FCHSD2: variants seen among roughly 807,000 people sequenced by gnomAD.
FCHSD2 encodes the protein F-BAR and double SH3 domains protein 2.
Under a neutral mutation model 108.1 loss-of-function variants are expected in FCHSD2, and 38 were observed. That is an observed-to-expected ratio of 0.35 (90% CI 0.27 to 0.46). The LOEUF (loss-of-function observed/expected upper bound fraction) is 0.46, where lower values mean the gene tolerates loss of function less well. FCHSD2 is among the 20% of genes least tolerant of loss of function. The pLI is 1.00. For synonymous variants in FCHSD2, 279 were observed against 314.7 expected (o/e 0.89, Z 1.20); for missense variants, 751 against 897.8 (o/e 0.84, Z 2.09).
intron 12 of FCHSD2, among the ~76,000 whole-genome samples, chr11:72,878,922 C>G (rs549602631): frequency 1.5e-4 from 23 of 152,088 alleles, no homozygotes; most frequent in African/African-American, 5.3e-4. Flanking sequence ...GCCTGGCCAA[C>G]ATGGTGAAAC....
chr11:72,878,547 C>T (rs1021365008), intron 12 of FCHSD2, among the ~76,000 whole-genome samples: 1 of 152,136 alleles, frequency 6.6e-6, no homozygotes, highest in African/African-American at 2.4e-5. Context: ...ACTGTGATAG[C>T]TTGTTTTACT....
intron 12 of FCHSD2, among the ~76,000 whole-genome samples, chr11:72,885,582 T>G (rs78104946): frequency 2.6e-5 from 4 of 152,098 alleles, no homozygotes; most frequent in African/African-American, 9.7e-5. Flanking sequence ...TACCAGTCGG[T>G]GATACCATGC....
At chr11:73,104,840 G>A (rs1188837523) in intron 2 of FCHSD2, among the ~76,000 whole-genome samples, 2 of 152,182 alleles carry the variant, frequency 1.3e-5, no homozygotes, top group African/African-American at 2.4e-5. Flanking sequence ...TTACAGGCCT[G>A]AGTCACCGTG....
chr11:72,864,248 T>C (rs1591352847), intron 13 of FCHSD2, among the ~76,000 whole-genome samples: 1 of 152,134 alleles, frequency 6.6e-6, no homozygotes, highest in African/African-American at 2.4e-5. Context: ...TAGTGGCTCA[T>C]AAATAAAAGA....
chr11:73,099,930 T>A (rs781130690), intron 2 of FCHSD2, among the ~76,000 whole-genome samples: 2 of 152,228 alleles, frequency 1.3e-5, no homozygotes, highest in African/African-American at 2.4e-5. Flanking sequence ...CCCCCACTAA[T>A]GAGGCCTTTC....
At position 73,085,247 on chromosome 11, in the gene FCHSD2, A is replaced by T. The variant is rs1377575604; in HGVS notation, c.120-1507T>A. Among the ~76,000 whole-genome samples the T allele has an allele frequency of 2.0e-5, 3 of 152,200 alleles. No homozygotes were observed. In the East Asian group the frequency reaches 5.8e-4, roughly 29 times the overall value. ...TTTTTTTTTAAATGTTTATTCAAAA[A>T]AAGTCTCCAGTGCATTCAAGGTTAA... On this transcript the variant is annotated intron_variant, in intron 2 of 19. Coordinates refer to ENST00000409418, the MANE Select transcript of FCHSD2 (RefSeq NM_014824.3).
intron 2 of FCHSD2, among the ~76,000 whole-genome samples, chr11:73,090,289 G>T (rs1358361853): frequency 7.0e-6 from 1 of 143,832 alleles, no homozygotes; most frequent in Non-Finnish European, 1.5e-5. Flanking sequence ...GCAGTGGCGG[G>T]ATCTCGGCTC....
At chr11:73,108,611 G>T (rs1860404219) in intron 2 of FCHSD2, among the ~76,000 whole-genome samples, 1 of 152,154 alleles carries the variant, frequency 6.6e-6, no homozygotes, top group Non-Finnish European at 1.5e-5. Context: ...GCCCAGGCCG[G>T]ACTGCGGACT....
At chr11:73,130,578 A>G (rs1219832495) in intron 2 of FCHSD2, among the ~76,000 whole-genome samples, 1 of 152,210 alleles carries the variant, frequency 6.6e-6, no homozygotes, top group Non-Finnish European at 1.5e-5. Context: ...GGAGCAGGTA[A>G]AGATTTCTGA....
chr11:73,124,922 G>T (rs1860818997), intron 2 of FCHSD2, among the ~76,000 whole-genome samples: 1 of 152,116 alleles, frequency 6.6e-6, no homozygotes, highest in South Asian at 2.1e-4. Context: ...TTAGAGCAAG[G>T]GAAAGCACAT....
intron 8 of FCHSD2, among the ~76,000 whole-genome samples, chr11:72,965,332 A>T (rs1256988496): frequency 6.6e-6 from 1 of 152,154 alleles, no homozygotes; most frequent in East Asian, 1.9e-4. Context: ...ACTAAATTTG[A>T]TTCAATTCTA....
intron 10 of FCHSD2, among the ~76,000 whole-genome samples, chr11:72,890,641 T>C (rs1462689301): frequency 6.6e-6 from 1 of 151,590 alleles, no homozygotes; most frequent in African/African-American, 2.4e-5. Flanking sequence ...ACTTCTATTG[T>C]GCAAGGTACT....
At chr11:72,902,678 T>C in intron 9 of FCHSD2, 40 bp from the exon 10 acceptor site, 4 of 1,212,260 alleles carry the variant, frequency 3.3e-6, no homozygotes, top group Non-Finnish European at 4.7e-6. Flanking sequence ...TTTAATGAGG[T>C]TAAAATGTCC....
intron 2 of FCHSD2, among the ~76,000 whole-genome samples, chr11:73,137,266 C>T (rs1861140779): frequency 6.6e-6 from 1 of 151,822 alleles, no homozygotes; most frequent in Non-Finnish European, 1.5e-5. Flanking sequence ...ATTTACAACT[C>T]TATGGGAATG....
At chr11:73,006,599 T>G (rs1255708445) in intron 4 of FCHSD2, among the ~76,000 whole-genome samples, 1 of 152,256 alleles carries the variant, frequency 6.6e-6, no homozygotes, top group Non-Finnish European at 1.5e-5. Context: ...CTACCTGCCC[T>G]CTCTGCTTCT....
At chr11:73,027,434 C>A (rs1056992340) in intron 3 of FCHSD2, among the ~76,000 whole-genome samples, 3 of 152,098 alleles carry the variant, frequency 2.0e-5, no homozygotes, top group African/African-American at 7.2e-5. Context: ...GCAAAGCATT[C>A]AAAATGTAAC....
At chr11:73,101,742 G>GA (rs921369709) in intron 2 of FCHSD2, among the ~76,000 whole-genome samples, 12 of 150,950 alleles carry the variant, frequency 7.9e-5, no homozygotes, top group Non-Finnish European at 1.0e-4. Flanking sequence ...CCCCGCCCCC[G>GA]AAAAAAACAC....
At chr11:72,968,735 T>C (rs577360999) in intron 8 of FCHSD2, among the ~76,000 whole-genome samples, 1 of 152,312 alleles carries the variant, frequency 6.6e-6, no homozygotes, top group East Asian at 1.9e-4. Context: ...CCCATGAGCA[T>C]AAGGCCTGCT....
intron 7 of FCHSD2, among the ~76,000 whole-genome samples, chr11:72,984,673 C>A (rs1016847378): frequency 6.6e-6 from 1 of 152,194 alleles, no homozygotes; most frequent in African/African-American, 2.4e-5. Flanking sequence ...AGGCATTCCA[C>A]AGTGTGAAGT....
Sources: allele counts gnomAD v4.1 joint callset (sites outside exome capture counted in the v4.1 genomes callset), GRCh38; gene constraint gnomAD v4.1.1; transcripts MANE v1.5; gene names NCBI Gene and HGNC (gene_info 2026-07-23, HGNC 2026-07-21).